The following EHMT1 variants were observed in gnomAD, a reference collection of about 807,000 sequenced individuals.
EHMT1 encodes the protein histone-lysine N-methyltransferase EHMT1.
In EHMT1, 15 loss-of-function variants were observed where a neutral mutation model predicts 147.2. The ratio of observed to expected loss-of-function variants is 0.10; its 90% confidence interval spans 0.07 to 0.16. EHMT1 has a LOEUF of 0.16. Among genes scored for constraint, EHMT1 ranks in the 10% least tolerant of loss-of-function variants. The pLI, the probability that EHMT1 is intolerant of heterozygous loss-of-function variation, is 1.00. For missense variants in EHMT1, 1,587 were observed against 1,772.4 expected, an observed-to-expected ratio of 0.90 and a Z score of 1.88; for synonymous variants, 795 against 709.6, an observed-to-expected ratio of 1.12 and a Z score of -1.91.
At chr9:137,722,844 A>C (rs1284422601) in intron 3 of EHMT1, among the ~76,000 whole-genome samples, 1 of 149,754 alleles carries the variant, frequency 6.7e-6, no homozygotes, top group African/African-American at 2.5e-5. Context: ...CCCTGTGCCC[A>C]GGGTGTGCTC....
In EHMT1 at chr9:137,809,258, C is replaced by G. The variant is rs868502545; in HGVS notation, c.2713-2203C>G. Among the ~76,000 whole-genome samples, 5 of 152,340 alleles carry G rather than the reference C, an allele frequency of 3.3e-5. No individual in the cohort carries two copies. The South Asian group carries it at 1.0e-3, about 32-fold the overall frequency. ...GTTTCTGTTCTGCTTTTTTCTTCGC[C>G]TTCACTGAGCTGGAAGGGTTGACGG... is the stretch of plus-strand genomic sequence containing the variant. On this transcript the variant is annotated intron_variant, in intron 18 of 26. Transcript: ENST00000460843.
At chr9:137,778,191 T>TC in intron 13 of EHMT1, 136 bp downstream of exon 13, 1 of 1,225,550 alleles carries the variant, frequency 8.2e-7, no homozygotes, top group Non-Finnish European at 1.2e-6. Context: ...TCGTATATTT[T>TC]CACACTATTT....
rs1014789276 is a variant in EHMT1 at position 137,731,769 on chromosome 9, C to T, written c.823+3240C>T. Among the ~76,000 whole-genome samples, 6 of 152,172 alleles carry T rather than the reference C, an allele frequency of 3.9e-5. No individual in the cohort carries two copies. The highest frequency in any genetic ancestry group is 6.5e-5 in the Admixed American group (1 of 15,282). On this transcript the variant is annotated intron_variant, in intron 4 of 26. Transcript: ENST00000460843. This position sits in a 1 kb window ranked among gnomAD's most constrained non-coding sequence, Gnocchi z 4.3. ...GATCCCACACCTTCCGAGGGCAAGC[C>T]AGGAGTGGAGCAGCGAGGCGTGTGT...
chr9:137,702,009 G>A (rs578245928), intron 1 of EHMT1, among the ~76,000 whole-genome samples: 18 of 152,118 alleles, frequency 1.2e-4, no homozygotes, highest in East Asian at 1.2e-3. Context: ...GGCCAGGCTC[G>A]TCTCGAACTT....
rs747296297 is a variant in EHMT1 at position 137,762,685 on chromosome 9, C to A, written c.1512C>A (p.Asn504Lys). The A allele has an allele frequency of 6.2e-7, 1 of 1,614,212 alleles. No homozygotes were observed. Among genetic ancestry groups the A allele is most frequent in the Admixed American group, 1.7e-5 (1 of 60,028 alleles). ...ILSSQAEGLA[N>K]GPDVLETDGL... ...TCTGTGTGACGTTAGGGTTGGCCAA[C>A]GGTCCAGATGTGCTGGAGACAGACG... is the stretch of plus-strand genomic sequence containing the variant. Residue 504 changes from asparagine (N) to lysine (K), a missense_variant, in exon 10 of 27, where the codon AAC (asparagine) becomes AAA (lysine). By Grantham distance (94) the Asn-to-Lys change is moderately conservative. Coordinates refer to ENST00000460843, the MANE Select transcript of EHMT1 (RefSeq NM_024757.5).
chr9:137,727,395 C>T (rs182656370), intron 3 of EHMT1, among the ~76,000 whole-genome samples: 2 of 152,180 alleles, frequency 1.3e-5, no homozygotes, highest in African/African-American at 2.4e-5. Flanking sequence ...GAAGCTTCCC[C>T]GGTTTCCTCC....
intron 22 of EHMT1, 119 bp downstream of exon 22, chr9:137,814,627 A>G: frequency 5.0e-6 from 6 of 1,202,436 alleles, no homozygotes; most frequent in Non-Finnish European, 7.2e-6. Context: ...AAGGAGTTGG[A>G]GGTGAGCTGG....
chr9:137,798,600 A>ACAGTGG (rs1953161244), intron 16 of EHMT1, among the ~76,000 whole-genome samples: 1 of 152,188 alleles, frequency 6.6e-6, no homozygotes, highest in Non-Finnish European at 1.5e-5. Flanking sequence ...TCACTGTGCC[A>ACAGTGG]GGCGACTGAC....
intron 7 of EHMT1, 77 bp from the exon 8 acceptor site, chr9:137,754,094 A>G: frequency 6.2e-7 from 1 of 1,610,362 alleles, no homozygotes. Flanking sequence ...GTTTTGCAAG[A>G]AAACACTTGT....
chr9:137,778,880 G>A (rs1161775840), intron 13 of EHMT1, among the ~76,000 whole-genome samples: 1 of 152,234 alleles, frequency 6.6e-6, no homozygotes, highest in East Asian at 1.9e-4. Context: ...GAGGCCTCAG[G>A]AAGCTACAGT....
chr9:137,834,217 A>C, intron 25 of EHMT1, 132 bp from the exon 26 acceptor site: 1 of 1,201,860 alleles, frequency 8.3e-7, no homozygotes, highest in Non-Finnish European at 1.2e-6. Flanking sequence ...AGGTCACTGG[A>C]GAAGGCCCCT....
rs377179450 is a variant in EHMT1, at chr9:137,834,432, G to T, written c.3624G>T (p.Val1208=). Residue 1208 remains valine, a synonymous_variant, in exon 26 of 27, where the codon GTG becomes GTT. Coordinates refer to ENST00000460843, the MANE Select transcript of EHMT1 (RefSeq NM_024757.5). ...ACCACCACTGCGAGCCCAACCTGGT[G>T]CCCGTGCGCGTGTTCATGGCCCACC... The part of the protein sequence containing the change: ...FINHHCEPNL[V]PVRVFMAHQD... The T allele has an allele frequency of 8.7e-6, 14 of 1,613,254 alleles. No homozygotes were observed. The African/African-American group carries it at 1.3e-4, about 15-fold the overall frequency.
At position 137,728,219 on chromosome 9, in the gene EHMT1, C is replaced by T. The variant is rs1254005024; in HGVS notation, c.643-130C>T. ...GCTGTTTCCGCTTGCAGACTTTCTC[C>T]TCTCTCCATTGTATCTCATCTTTCG... is the stretch of plus-strand genomic sequence containing the variant. On this transcript the variant is annotated intron_variant, in intron 3 of 26. Transcript: ENST00000460843. 2.2e-6 allele frequency: 3 copies of T among 1,342,060 alleles called. No individual in the cohort carries two copies. In the South Asian group the frequency reaches 3.6e-5, roughly 16 times the overall value. The allele number at this position is 1,342,060 out of a possible 1,614,324, so 83.1% of individuals were successfully genotyped here.
chr9:137,722,694 G>A (rs974684994), intron 3 of EHMT1, among the ~76,000 whole-genome samples: 11 of 151,656 alleles, frequency 7.3e-5, no homozygotes, highest in South Asian at 2.1e-4. Context: ...CTGTGCCCCC[G>A]GTATGCTCTG....
At chr9:137,671,004 G>A (rs959519200) in intron 1 of EHMT1, among the ~76,000 whole-genome samples, 1 of 152,166 alleles carries the variant, frequency 6.6e-6, no homozygotes, top group Non-Finnish European at 1.5e-5. Flanking sequence ...TTGTTCCAGG[G>A]TAAGCCGCTG....
intron 25 of EHMT1, among the ~76,000 whole-genome samples, chr9:137,830,438 T>A (rs562633744): frequency 2.0e-4 from 30 of 152,394 alleles, no homozygotes; most frequent in African/African-American, 7.2e-4. Flanking sequence ...AATAGATTTT[T>A]AAAAATGTGT....
chr9:137,784,556 C>A, intron 15 of EHMT1: 1 of 479,654 alleles, frequency 2.1e-6, no homozygotes, highest in Non-Finnish European at 2.7e-6. Context: ...TTTGCCATTT[C>A]TCTTCTCTCT....
chr9:137,798,104 G>C (rs1020445983), intron 16 of EHMT1, among the ~76,000 whole-genome samples: 1 of 152,236 alleles, frequency 6.6e-6, no homozygotes, highest in African/African-American at 2.4e-5. Flanking sequence ...TCTGGGCATG[G>C]TGGCTCATGC....
At chr9:137,758,138 C>G (rs939210517) in intron 9 of EHMT1, 127 bp downstream of exon 9, 5 of 1,288,356 alleles carry the variant, frequency 3.9e-6, no homozygotes, top group Non-Finnish European at 5.6e-6. Flanking sequence ...TGCATCACTT[C>G]CAGCTGAGGT....
Sources: gnomAD v4.1 joint callset for allele counts (sites outside exome capture counted in the v4.1 genomes callset) on GRCh38, gnomAD v4.1.1 for gene constraint, Gnocchi (gnomAD v3.1) non-coding constraint, MANE v1.5 for transcripts, NCBI Gene and HGNC (gene_info 2026-07-23, HGNC 2026-07-21) for gene names.